The following C5 variants were observed in gnomAD, a reference collection of about 807,000 sequenced individuals.
C5 encodes the protein C3 and PZP-like alpha-2-macroglobulin domain-containing protein 4.
C5 carries 140 observed loss-of-function variants against 218.8 expected under a neutral mutation model. The ratio of observed to expected loss-of-function variants is 0.64; its 90% CI spans 0.56 to 0.74. C5 has a LOEUF of 0.74. Among genes scored for constraint, C5 ranks in the 30% least tolerant of loss-of-function variants. C5 has a pLI of 0.00. For missense variants in C5, 1,700 were observed against 1,969.6 expected (o/e 0.86, Z 2.59); for synonymous variants, 614 against 682.3 (o/e 0.90, Z 1.56).
intron 18 of C5, 140 bp downstream of exon 18, chr9:121,008,263 GCAAAA>G: frequency 1.5e-6 from 1 of 666,956 alleles, no homozygotes; most frequent in Non-Finnish European, 2.6e-6. Flanking sequence ...AAAAAGCAAA[GCAAAA>G]CAAAACAAAA....
intron 10 of C5, among the ~76,000 whole-genome samples, chr9:121,022,417 A>G (rs996035135): frequency 1.3e-4 from 19 of 148,646 alleles, no homozygotes; most frequent in Non-Finnish European, 2.2e-4. Flanking sequence ...ATATTTTAGT[A>G]TATATATTAT....
chr9:120,953,352 C>T (rs1352176361), intron 40 of C5, among the ~76,000 whole-genome samples: 1 of 152,180 alleles, frequency 6.6e-6, no homozygotes, highest in Non-Finnish European at 1.5e-5. Context: ...CTGCCTGGGG[C>T]TCCCATATTA....
At chr9:121,061,588 T>G in the C5 span, among the ~76,000 whole-genome samples, 5 of 152,344 alleles carry the variant, frequency 3.3e-5, no homozygotes, top group African/African-American at 9.6e-5. Flanking sequence ...TTCCCTCAAT[T>G]TGTCATGGTG....
chr9:121,040,883 G>T (rs1377826116), intron 3 of C5, among the ~76,000 whole-genome samples: 1 of 151,640 alleles, frequency 6.6e-6, no homozygotes, highest in African/African-American at 2.4e-5. Flanking sequence ...AATATTTATA[G>T]CAAACTTCTC....
At chr9:121,069,678 A>T in the C5 span, among the ~76,000 whole-genome samples, 5 of 152,090 alleles carry the variant, frequency 3.3e-5, no homozygotes, top group East Asian at 9.7e-4. Flanking sequence ...ACACCCAGCT[A>T]ATGGTTTTGA....
rs959031926 is a variant in C5 at position 120,978,691 on chromosome 9, C to T, written c.3658+1392G>A. ...CAAAGTGCCCAACCATGCTAATAAT[C>T]ACTGCTACTCTCTTTCTATTTTTTG... is the stretch of plus-strand genomic sequence containing the variant. On this transcript the variant is annotated intron_variant, in intron 28 of 40. Transcript: ENST00000223642. 2.0e-5 allele frequency among the ~76,000 whole-genome samples: 3 copies of T among 152,158 alleles called. 1 individual carries two copies. The South Asian group carries it at 6.2e-4, about 32-fold the overall frequency.
At chr9:121,044,435 C>G (rs2047608298) in intron 2 of C5, among the ~76,000 whole-genome samples, 1 of 152,122 alleles carries the variant, frequency 6.6e-6, no homozygotes. Context: ...GATATTACAC[C>G]ACTGTCTTCC....
chr9:121,070,926 T>C, the C5 span, among the ~76,000 whole-genome samples: 2 of 152,210 alleles, frequency 1.3e-5, no homozygotes, highest in East Asian at 1.9e-4. Context: ...ATGATGGATA[T>C]GCTAATTACT....
At chr9:121,069,588 A>T in the C5 span, among the ~76,000 whole-genome samples, 26 of 149,754 alleles carry the variant, frequency 1.7e-4, no homozygotes, top group African/African-American at 6.4e-4. Context: ...ATGATAGCTC[A>T]CTGCAGCCTC....
intron 26 of C5, among the ~76,000 whole-genome samples, chr9:120,982,259 C>T (rs1302278731): frequency 1.3e-5 from 2 of 152,230 alleles, no homozygotes; most frequent in Admixed American, 6.5e-5. Context: ...ATCCGCCCGC[C>T]TTGGCCTCCC....
Position 120,952,802 on chromosome 9 carries a change from C to T in C5, c.4968G>A (p.Ser1656=), listed in dbSNP as rs779625570. The T allele has an allele frequency of 1.5e-4, 234 of 1,613,450 alleles. No homozygotes were observed. The highest frequency in any genetic ancestry group is 1.8e-4 in the Non-Finnish European group (214 of 1,179,608). The change falls in exon 41 of 41, where the codon TCG becomes TCA. Residue 1656 remains serine (S), a synonymous_variant. Transcript: ENST00000223642. ...CTAAATTAGCTAAAAATGCTTGACA[C>T]GATGAACATGTTGTGTCTCTAGGCC... ...EYWPRDTTCS[S]CQAFLANLDE...
At chr9:120,970,024 T>C in intron 32 of C5, 146 bp downstream of exon 32, 2 of 655,308 alleles carry the variant, frequency 3.1e-6, no homozygotes, top group Non-Finnish European at 5.5e-6. Context: ...GGAAGTAATA[T>C]TTACTTGGAT....
chr9:121,018,798 G>GAAGGAAGGAAGA (rs2047338679), intron 12 of C5, among the ~76,000 whole-genome samples: 1 of 145,410 alleles, frequency 6.9e-6, no homozygotes, highest in Non-Finnish European at 1.5e-5. Flanking sequence ...AGGAAGGAAG[G>GAAGGAAGGAAGA]AAGAAAGAGT....
intron 39 of C5, 146 bp downstream of exon 39, chr9:120,957,139 T>A (rs1397895503): frequency 1.6e-6 from 1 of 632,598 alleles, no homozygotes; most frequent in Non-Finnish European, 2.9e-6. Flanking sequence ...TAAAAAATGT[T>A]TCTCCCCAAG....
intron 4 of C5, among the ~76,000 whole-genome samples, chr9:121,035,735 AT>A (rs1198702865): frequency 0.029 from 4,124 of 143,452 alleles, 142 homozygotes; most frequent in African/African-American, 0.088. Context: ...ATGCCCAGCT[AT>A]TTTTTTTTTT....
chr9:121,056,958 A>G, the C5 span, among the ~76,000 whole-genome samples: 1 of 152,330 alleles, frequency 6.6e-6, no homozygotes, highest in African/African-American at 2.4e-5. Context: ...TCAATGATCA[A>G]GGATAAAGAA....
In C5 at chr9:120,989,783, G is replaced by C; in HGVS notation, c.2942-3C>G. 6.2e-7 allele frequency: 1 copy of C among 1,612,092 alleles called. No homozygotes were observed. The highest frequency in any genetic ancestry group is 8.5e-7 in the Non-Finnish European group (1 of 1,178,456). ...CAAGATCTCACCTACAAGCAGTCCTGAAACAAAAAAGATCAAAGTAGACAC... is the reference window on the plus strand; with the variant it reads ...CAAGATCTCACCTACAAGCAGTCCTCAAACAAAAAAGATCAAAGTAGACAC... On this transcript the variant is annotated splice_polypyrimidine_tract_variant and splice_region_variant and intron_variant, in intron 23 of 40. Transcript: ENST00000223642.
chr9:120,969,036 C>T (rs1249303393), intron 33 of C5, 25 bp downstream of exon 33: 19 of 1,598,310 alleles, frequency 1.2e-5, no homozygotes, highest in Non-Finnish European at 1.6e-5. Context: ...GGAGTCTATG[C>T]TCCCCTTTGT....
intron 19 of C5, 86 bp downstream of exon 19, chr9:121,006,818 G>T: frequency 1.0e-6 from 1 of 983,626 alleles, no homozygotes; most frequent in Non-Finnish European, 1.6e-6. Context: ...TTTAAGTCCT[G>T]GGTAAACTAA....
Sources: gnomAD v4.1 joint callset for allele counts (sites outside exome capture counted in the v4.1 genomes callset) on GRCh38, gnomAD v4.1.1 for gene constraint, MANE v1.5 for transcripts, NCBI Gene and HGNC (gene_info 2026-07-23, HGNC 2026-07-21) for gene names.